The following GCNT1 variants were observed in gnomAD, a reference collection of about 807,000 sequenced individuals.
GCNT1 encodes glucosaminyl (N-acetyl) transferase 1.
GCNT1 carries 16 observed loss-of-function variants against 26.2 expected under a neutral mutation model. The observed-to-expected ratio is 0.61, with a 90% CI of 0.41 to 0.93. The LOEUF is 0.93. Among genes scored for constraint, GCNT1 ranks in the 40% least tolerant of loss-of-function variants. The pLI is 0.00. For synonymous variants in GCNT1, 183 were observed against 190.8 expected (o/e 0.96, Z 0.34); for missense variants, 477 against 526.7 (o/e 0.91, Z 0.92).
upstream of GCNT1, among the ~76,000 whole-genome samples, chr9:76,419,180 C>G (rs1003215940): frequency 6.6e-6 from 1 of 152,082 alleles, no homozygotes; most frequent in Non-Finnish European, 1.5e-5. Context: ...AGTGCTTAAT[C>G]CCTTATAGCC....
chr9:76,477,596 G>A (rs543092782), intron 2 of GCNT1, among the ~76,000 whole-genome samples: 1 of 151,946 alleles, frequency 6.6e-6, no homozygotes, highest in Admixed American at 6.5e-5. Flanking sequence ...GGTGCATCTA[G>A]TCACGTCGTA....
intron 2 of GCNT1, among the ~76,000 whole-genome samples, chr9:76,480,029 G>A (rs1416210862): frequency 6.6e-6 from 1 of 152,118 alleles, no homozygotes; most frequent in African/African-American, 2.4e-5. Context: ...ATTAATTTTT[G>A]TATAAGGTGT....
intron 2 of GCNT1, among the ~76,000 whole-genome samples, chr9:76,462,581 G>GCAAA (rs1823897929): frequency 6.6e-6 from 1 of 152,176 alleles, no homozygotes; most frequent in African/African-American, 2.4e-5. Context: ...ATGTTCCCCG[G>GCAAA]AGAACAAAGT....
chr9:76,432,441 C>T (rs1174079429), intron 1 of GCNT1, among the ~76,000 whole-genome samples: 1 of 152,116 alleles, frequency 6.6e-6, no homozygotes, highest in African/African-American at 2.4e-5. Context: ...CTTCTAGGCT[C>T]AAGCGGTCCC....
At chr9:76,435,152 T>G (rs1823390604) in intron 1 of GCNT1, among the ~76,000 whole-genome samples, 1 of 152,144 alleles carries the variant, frequency 6.6e-6, no homozygotes, top group South Asian at 2.1e-4. Context: ...CTTTGAAGCA[T>G]GTGATCTTTG....
intron 2 of GCNT1, among the ~76,000 whole-genome samples, chr9:76,475,290 G>A (rs1425858187): frequency 6.6e-6 from 1 of 152,210 alleles, no homozygotes; most frequent in Non-Finnish European, 1.5e-5. Context: ...CACATTCACA[G>A]CTTAGATCAC....
At chr9:76,444,670 A>T (rs140242203) in intron 1 of GCNT1, among the ~76,000 whole-genome samples, 176 of 152,306 alleles carry the variant, frequency 1.2e-3, no homozygotes, top group African/African-American at 3.9e-3. Context: ...TAATTTGGAG[A>T]CACCAGATAC....
intron 1 of GCNT1, among the ~76,000 whole-genome samples, chr9:76,435,987 GC>G (rs984818109): frequency 3.3e-5 from 4 of 122,248 alleles, no homozygotes; most frequent in African/African-American, 1.3e-4. Flanking sequence ...ACAGAATCTC[GC>G]TCTGTCACCC....
intron 1 of GCNT1, among the ~76,000 whole-genome samples, chr9:76,422,950 C>T (rs1046943598): frequency 2.0e-5 from 3 of 152,230 alleles, no homozygotes; most frequent in African/African-American, 7.2e-5. Flanking sequence ...TGATTTTGCC[C>T]AATGGTAGAC....
chr9:76,428,457 T>C (rs919641054), intron 1 of GCNT1, among the ~76,000 whole-genome samples: 10 of 152,018 alleles, frequency 6.6e-5, no homozygotes, highest in Admixed American at 6.5e-4. Context: ...ATAATATGAA[T>C]ACCTATCACT....
intron 1 of GCNT1, among the ~76,000 whole-genome samples, chr9:76,453,116 A>G (rs897191506): frequency 1.1e-4 from 17 of 152,274 alleles, no homozygotes; most frequent in African/African-American, 4.1e-4. Flanking sequence ...ACTGTAGCCA[A>G]TCTCATCTGC....
At chr9:76,400,874 A>G in the GCNT1 span, among the ~76,000 whole-genome samples, 27 of 152,250 alleles carry the variant, frequency 1.8e-4, no homozygotes, top group African/African-American at 6.0e-4. Context: ...AGGGATGTGC[A>G]GTAAACAAGC....
chr9:76,396,864 A>G, the GCNT1 span, among the ~76,000 whole-genome samples: 1 of 152,178 alleles, frequency 6.6e-6, no homozygotes, highest in African/African-American at 2.4e-5. Context: ...GCTCGTGCCT[A>G]TAGCCCCAGC....
chr9:76,472,537 C>T (rs1824153670), intron 2 of GCNT1, among the ~76,000 whole-genome samples: 1 of 152,108 alleles, frequency 6.6e-6, no homozygotes, highest in African/African-American at 2.4e-5. Context: ...GAGGAGGGTG[C>T]AACTTGGGGC....
chr9:76,465,940 T>C (rs1021511081), intron 2 of GCNT1, among the ~76,000 whole-genome samples: 1 of 151,956 alleles, frequency 6.6e-6, no homozygotes, highest in Non-Finnish European at 1.5e-5. Flanking sequence ...GCACGAGGTG[T>C]GGGAGGGAAG....
At chr9:76,483,621 C>A (rs1824483690) in intron 2 of GCNT1, among the ~76,000 whole-genome samples, 1 of 152,050 alleles carries the variant, frequency 6.6e-6, no homozygotes. Flanking sequence ...TGGTATCTCA[C>A]CATTTTACTT....
At chr9:76,498,030 T>C (rs1300743901) in intron 2 of GCNT1, among the ~76,000 whole-genome samples, 1 of 152,202 alleles carries the variant, frequency 6.6e-6, no homozygotes, top group African/African-American at 2.4e-5. Flanking sequence ...ACTCATCTAC[T>C]TTCTGTCTAT....
chr9:76,488,575 C>T (rs1447317065), intron 2 of GCNT1, among the ~76,000 whole-genome samples: 1 of 152,164 alleles, frequency 6.6e-6, no homozygotes, highest in Non-Finnish European at 1.5e-5. Context: ...ACCTCTTCCT[C>T]CTGGGTTCAA....
chr9:76,463,308 A>G (rs1823916308), intron 2 of GCNT1, among the ~76,000 whole-genome samples: 1 of 152,244 alleles, frequency 6.6e-6, no homozygotes, highest in Non-Finnish European at 1.5e-5. Context: ...TGGTGACCAC[A>G]GAGCATTAAG....
Sources: allele counts gnomAD v4.1 joint callset (sites outside exome capture counted in the v4.1 genomes callset), GRCh38; gene constraint gnomAD v4.1.1; transcripts MANE v1.5; gene names NCBI Gene and HGNC (gene_info 2026-07-23, HGNC 2026-07-21).